The following SLC71A2 variants were observed in gnomAD, a reference collection of about 807,000 sequenced individuals.
SLC71A2 encodes hippocampus abundant transcript-like 1.
the SLC71A2 span, chr9:94,444,890 G>A: frequency 7.1e-7 from 1 of 1,414,406 alleles, no homozygotes; most frequent in South Asian, 1.2e-5. Context: ...GCAGCAGGCA[G>A]ACCTGGGTAA....
At chr9:94,406,066 A>ATTTTTTTTTTTT in the SLC71A2 span, among the ~76,000 whole-genome samples, 37 of 63,620 alleles carry the variant, frequency 5.8e-4, 6 homozygotes, top group African/African-American at 1.6e-3. Context: ...TGCAACTTGA[A>ATTTTTTTTTTTT]TTTTTTTTTT....
the SLC71A2 span, among the ~76,000 whole-genome samples, chr9:94,379,402 T>A: frequency 7.5e-6 from 1 of 132,930 alleles, no homozygotes; most frequent in Non-Finnish European, 1.7e-5. Context: ...TTTTTTTTTT[T>A]TAAGAGGTGA....
chr9:94,450,541 A>T, the SLC71A2 span, among the ~76,000 whole-genome samples: 1 of 117,702 alleles, frequency 8.5e-6, no homozygotes, highest in Non-Finnish European at 1.6e-5. Flanking sequence ...CCAGGCTGGA[A>T]TACAGTGGCA....
At chr9:94,377,786 C>G in the SLC71A2 span, among the ~76,000 whole-genome samples, 2 of 151,830 alleles carry the variant, frequency 1.3e-5, no homozygotes, top group African/African-American at 4.8e-5. Context: ...CAAGTATTTA[C>G]TCCAAGAGAT....
chr9:94,399,846 C>G, the SLC71A2 span, among the ~76,000 whole-genome samples: 1 of 150,178 alleles, frequency 6.7e-6, no homozygotes, highest in Admixed American at 6.7e-5. Context: ...GCTTTTGTTG[C>G]CCAGGCTGGA....
the SLC71A2 span, among the ~76,000 whole-genome samples, chr9:94,379,583 G>A: frequency 1.3e-5 from 2 of 151,218 alleles, no homozygotes; most frequent in Non-Finnish European, 2.9e-5. Flanking sequence ...TAGAGATTGG[G>A]TCTCACTGTG....
the SLC71A2 span, among the ~76,000 whole-genome samples, chr9:94,440,302 C>T: frequency 6.6e-5 from 10 of 151,966 alleles, no homozygotes; most frequent in Middle Eastern, 3.2e-3. Context: ...TACAGGCGCC[C>T]ACCACCACGC....
At chr9:94,431,496 T>C in the SLC71A2 span, among the ~76,000 whole-genome samples, 1 of 148,734 alleles carries the variant, frequency 6.7e-6, no homozygotes, top group Non-Finnish European at 1.5e-5. Flanking sequence ...GCATTTTATT[T>C]ATTTTTTATC....
At chr9:94,424,078 GA>G in the SLC71A2 span, among the ~76,000 whole-genome samples, 12 of 152,082 alleles carry the variant, frequency 7.9e-5, no homozygotes, top group Non-Finnish European at 1.6e-4. Flanking sequence ...ATCATTTATT[GA>G]AAAAATTCTT....
the SLC71A2 span, among the ~76,000 whole-genome samples, chr9:94,413,742 G>C: frequency 4.0e-5 from 6 of 151,274 alleles, no homozygotes; most frequent in Non-Finnish European, 7.4e-5. Flanking sequence ...ACAATTCTTT[G>C]GGTTAGGGGT....
At chr9:94,440,710 A>T in the SLC71A2 span, among the ~76,000 whole-genome samples, 1 of 152,130 alleles carries the variant, frequency 6.6e-6, no homozygotes, top group South Asian at 2.1e-4. Context: ...ACCTTTAAAA[A>T]TATAACTTTT....
At chr9:94,407,988 A>G in the SLC71A2 span, among the ~76,000 whole-genome samples, 1 of 152,190 alleles carries the variant, frequency 6.6e-6, no homozygotes, top group Non-Finnish European at 1.5e-5. Context: ...GGACTGCAGT[A>G]TCACAGTGCT....
chr9:94,413,105 G>C, the SLC71A2 span, among the ~76,000 whole-genome samples: 18 of 151,556 alleles, frequency 1.2e-4, no homozygotes, highest in Non-Finnish European at 5.9e-5. Context: ...GAGTATACTA[G>C]TATTCCCTGA....
the SLC71A2 span, among the ~76,000 whole-genome samples, chr9:94,415,825 G>A: frequency 6.6e-6 from 1 of 152,146 alleles, no homozygotes; most frequent in South Asian, 2.1e-4. Context: ...GTGTGGCTGG[G>A]TTCATAACAG....
the SLC71A2 span, among the ~76,000 whole-genome samples, chr9:94,400,210 T>C: frequency 6.7e-6 from 1 of 150,080 alleles, no homozygotes; most frequent in African/African-American, 2.5e-5. Flanking sequence ...GGGGAGTTTA[T>C]GTACCGAAAA....
the SLC71A2 span, chr9:94,458,420 A>C: frequency 6.2e-7 from 1 of 1,614,084 alleles, no homozygotes; most frequent in Non-Finnish European, 8.5e-7. Flanking sequence ...TGTGGAACTG[A>C]CTGAGTTGGG....
At chr9:94,379,461 C>G in the SLC71A2 span, among the ~76,000 whole-genome samples, 1 of 141,560 alleles carries the variant, frequency 7.1e-6, no homozygotes, top group African/African-American at 2.7e-5. Flanking sequence ...ACAATCATAG[C>G]TTGCTGTAAC....
At chr9:94,403,298 G>A in the SLC71A2 span, among the ~76,000 whole-genome samples, 2 of 151,950 alleles carry the variant, frequency 1.3e-5, no homozygotes, top group Non-Finnish European at 2.9e-5. Context: ...CACCACGCCT[G>A]GCTAATTTTT....
At chr9:94,458,553 C>A in the SLC71A2 span, 1 of 1,246,810 alleles carries the variant, frequency 8.0e-7, no homozygotes, top group Non-Finnish European at 1.2e-6. Flanking sequence ...AGCATTCTTT[C>A]TTGTATGTTA....
Sources: allele counts gnomAD v4.1 joint callset (sites outside exome capture counted in the v4.1 genomes callset), GRCh38; gene constraint gnomAD v4.1.1; transcripts MANE v1.5; gene names NCBI Gene and HGNC (gene_info 2026-07-23, HGNC 2026-07-21).